Variants in MSRB3 observed in about 807,000 individuals in gnomAD.
The protein encoded by MSRB3 is methionine sulfoxide reductase B3.
Under a neutral mutation model 21.0 loss-of-function variants are expected in MSRB3, and 13 were observed. That is an observed-to-expected ratio of 0.62 (90% CI 0.40 to 0.98). The LOEUF (loss-of-function observed/expected upper bound fraction) is 0.98. Among genes scored for constraint, MSRB3 ranks in the 50% least tolerant of loss-of-function variants. MSRB3 has a pLI of 0.00. For missense variants in MSRB3, 199 were observed against 230.3 expected (o/e 0.86, Z 0.88); for synonymous variants, 87 against 88.6 (o/e 0.98, Z 0.10).
chr12:65,455,951 G>A (rs1883071126), intron 6 of MSRB3, among the ~76,000 whole-genome samples: 1 of 152,014 alleles, frequency 6.6e-6, no homozygotes. Flanking sequence ...TTGCCCCACT[G>A]GTCTTGAACT....
intron 5 of MSRB3, chr12:65,419,081 A>C (rs899225591): frequency 7.2e-6 from 5 of 694,884 alleles, no homozygotes; most frequent in Middle Eastern, 3.3e-4. Flanking sequence ...TTTCTCATGG[A>C]GTCCAGGTCA....
At chr12:65,350,123 C>T (rs1876840091) in intron 4 of MSRB3, among the ~76,000 whole-genome samples, 1 of 151,958 alleles carries the variant, frequency 6.6e-6, no homozygotes, top group Non-Finnish European at 1.5e-5. Context: ...CAGCTATCTA[C>T]ATATGGCTAG....
chr12:65,322,817 AATGGGCATG>A (rs1874771652), intron 2 of MSRB3, among the ~76,000 whole-genome samples: 1 of 152,116 alleles, frequency 6.6e-6, no homozygotes, highest in Admixed American at 6.5e-5. Flanking sequence ...GTATCTGTAA[AATGGGCATG>A]ACAGCCACGT....
At chr12:65,332,940 C>T (rs1875525391) in intron 4 of MSRB3, among the ~76,000 whole-genome samples, 1 of 152,204 alleles carries the variant, frequency 6.6e-6, no homozygotes, top group Admixed American at 6.5e-5. Flanking sequence ...ACATTTTCTT[C>T]ACATTTACAA....
intron 5 of MSRB3, among the ~76,000 whole-genome samples, chr12:65,421,271 GTGTC>G (rs1470726070): frequency 3.9e-5 from 6 of 152,000 alleles, no homozygotes; most frequent in Non-Finnish European, 7.4e-5. Context: ...CTTTTGAAAA[GTGTC>G]TGTTCATATC....
intron 1 of MSRB3, among the ~76,000 whole-genome samples, chr12:65,294,108 T>C (rs971803678): frequency 1.3e-5 from 2 of 152,200 alleles, no homozygotes; most frequent in African/African-American, 4.8e-5. Context: ...AGCTGTCTTT[T>C]TCAAGAGGCA....
chr12:65,352,274 T>A (rs563630728), intron 4 of MSRB3, among the ~76,000 whole-genome samples: 2 of 152,240 alleles, frequency 1.3e-5, no homozygotes, highest in South Asian at 4.1e-4. Context: ...CCCTTCATGC[T>A]AAAAACTCTC....
At chr12:65,419,752 C>T (rs548299417) in intron 5 of MSRB3, 133 of 1,028,646 alleles carry the variant, frequency 1.3e-4, no homozygotes, top group African/African-American at 8.0e-4. Flanking sequence ...GTAGGCCAGG[C>T]GGTCTTCAGG....
At chr12:65,366,467 G>T (rs934291741) in intron 4 of MSRB3, among the ~76,000 whole-genome samples, 5 of 152,170 alleles carry the variant, frequency 3.3e-5, no homozygotes, top group African/African-American at 1.2e-4. Flanking sequence ...AACAGCACAG[G>T]CAGAGGAAGG....
chr12:65,448,979 T>C (rs938568039), intron 5 of MSRB3, among the ~76,000 whole-genome samples: 2 of 152,198 alleles, frequency 1.3e-5, no homozygotes, highest in African/African-American at 4.8e-5. Context: ...GATTAAAGAA[T>C]CATTTTTTAA....
intron 4 of MSRB3, among the ~76,000 whole-genome samples, chr12:65,328,938 C>G (rs918934768): frequency 2.0e-5 from 3 of 152,096 alleles, no homozygotes; most frequent in African/African-American, 7.2e-5. Flanking sequence ...AAATGACAGC[C>G]TTAAATATTT....
chr12:65,318,690 A>G (rs1874467670), intron 2 of MSRB3, among the ~76,000 whole-genome samples: 1 of 152,202 alleles, frequency 6.6e-6, no homozygotes, highest in Non-Finnish European at 1.5e-5. Context: ...TCTTATTTAT[A>G]CGCCTTGCAA....
At chr12:65,430,867 T>C (rs1379088638) in intron 5 of MSRB3, among the ~76,000 whole-genome samples, 1 of 152,058 alleles carries the variant, frequency 6.6e-6, no homozygotes, top group African/African-American at 2.4e-5. Context: ...AAATGTGACA[T>C]CCTACAGAAT....
At chr12:65,325,244 C>G (rs1005192079) in intron 2 of MSRB3, among the ~76,000 whole-genome samples, 25 of 152,106 alleles carry the variant, frequency 1.6e-4, no homozygotes, top group Non-Finnish European at 1.5e-5. Flanking sequence ...TTGATAACAG[C>G]AAAAATACAA....
At chr12:65,354,973 A>G (rs747167363) in intron 4 of MSRB3, among the ~76,000 whole-genome samples, 2 of 151,868 alleles carry the variant, frequency 1.3e-5, no homozygotes, top group Non-Finnish European at 2.9e-5. Context: ...CTAACTCCTT[A>G]TAATAGGAGG....
At chr12:65,381,419 CAT>C (rs1156312481) in intron 5 of MSRB3, among the ~76,000 whole-genome samples, 1 of 152,134 alleles carries the variant, frequency 6.6e-6, no homozygotes, top group African/African-American at 2.4e-5. Flanking sequence ...AAATAAGCTA[CAT>C]TCAACTGCAA....
At chr12:65,453,664 C>T in intron 5 of MSRB3, 64 bp from the exon 6 acceptor site, 1 of 1,177,314 alleles carries the variant, frequency 8.5e-7, no homozygotes, top group Non-Finnish European at 1.3e-6. Context: ...CTTTAAAATG[C>T]ATTCTAACCC....
chr12:65,421,713 A>T (rs575056582), intron 5 of MSRB3, among the ~76,000 whole-genome samples: 1 of 152,198 alleles, frequency 6.6e-6, no homozygotes, highest in Non-Finnish European at 1.5e-5. Flanking sequence ...CCTGCCTTAT[A>T]AGAGATCCTG....
At chr12:65,355,667 C>T (rs1021735319) in intron 4 of MSRB3, among the ~76,000 whole-genome samples, 10 of 151,880 alleles carry the variant, frequency 6.6e-5, no homozygotes, top group Non-Finnish European at 1.5e-4. Flanking sequence ...GTGTTAATGG[C>T]AGTCGCATGA....
Sources: allele counts gnomAD v4.1 joint callset (sites outside exome capture counted in the v4.1 genomes callset), GRCh38; gene constraint gnomAD v4.1.1; transcripts MANE v1.5; gene names NCBI Gene and HGNC (gene_info 2026-07-23, HGNC 2026-07-21).